The following SH3BGR variants were observed in gnomAD, a reference collection of about 807,000 sequenced individuals.
The protein encoded by SH3BGR is SH3 domain-binding glutamic acid-rich protein.
Under a neutral mutation model 24.5 loss-of-function variants are expected in SH3BGR, and 29 were observed. The observed-to-expected ratio is 1.18, with a 90% CI of 0.88 to 1.61. SH3BGR has a LOEUF of 1.61. SH3BGR is among the 40% of genes most tolerant of loss of function. SH3BGR has a pLI of 0.00. For synonymous variants in SH3BGR, 55 were observed against 65.7 expected, an observed-to-expected ratio of 0.84 and a Z score of 0.79; for missense variants, 162 against 205.8, an observed-to-expected ratio of 0.79 and a Z score of 1.30.
intron 1 of SH3BGR, among the ~76,000 whole-genome samples, chr21:39,456,444 G>A (rs554033572): frequency 2.6e-5 from 4 of 152,342 alleles, no homozygotes; most frequent in South Asian, 2.1e-4. Context: ...TAGAGAATGC[G>A]ATTAATTAAA....
rs1042417335 is a variant in SH3BGR, at chr21:39,493,199, A to G, written c.313-6624A>G. 2.0e-5 allele frequency among the ~76,000 whole-genome samples: 3 copies of G among 152,294 alleles called. No individual in the cohort carries two copies. The South Asian group carries it at 6.2e-4, about 32-fold the overall frequency. ...GGTCATGAAATCCTTGCCTAAGTCA[A>G]TGTCTACAAGGGTTTTTCTGATGTT... On this transcript the variant is annotated intron_variant, in intron 3 of 6. Transcript: ENST00000333634.
intron 2 of SH3BGR, among the ~76,000 whole-genome samples, chr21:39,474,126 C>T (rs1370772804): frequency 6.6e-6 from 1 of 152,020 alleles, no homozygotes; most frequent in Admixed American, 6.6e-5. Flanking sequence ...TGCCACCGTG[C>T]CCGGCTAATT....
chr21:39,495,090 G>A (rs8131355), intron 3 of SH3BGR, among the ~76,000 whole-genome samples: 79,333 of 151,478 alleles, frequency 0.52, 21,179 homozygotes, highest in East Asian at 0.68. Context: ...CAGTTGTTTC[G>A]TTCATTGCAA....
At chr21:39,477,238 C>A (rs918718381) in intron 3 of SH3BGR, among the ~76,000 whole-genome samples, 1 of 151,952 alleles carries the variant, frequency 6.6e-6, no homozygotes, top group African/African-American at 2.4e-5. Context: ...GTCATAATGT[C>A]ATCTAAATAT....
At chr21:39,452,910 T>A (rs1444632620) in intron 1 of SH3BGR, among the ~76,000 whole-genome samples, 1 of 152,202 alleles carries the variant, frequency 6.6e-6, no homozygotes, top group Non-Finnish European at 1.5e-5. Context: ...ACCTATATAG[T>A]GTCTGTCTGT....
chr21:39,492,794 G>A (rs141211739), intron 3 of SH3BGR, among the ~76,000 whole-genome samples: 1 of 151,932 alleles, frequency 6.6e-6, no homozygotes, highest in African/African-American at 2.4e-5. Context: ...TATATTTTTT[G>A]ATTTTTTGAT....
chr21:39,469,011 GTTTTTTT>G (rs78313529), intron 2 of SH3BGR, among the ~76,000 whole-genome samples: 20 of 134,414 alleles, frequency 1.5e-4, no homozygotes, highest in African/African-American at 5.1e-4. Flanking sequence ...AAGATGTCTA[GTTTTTTT>G]TTTTTTTTTG....
At chr21:39,466,872 C>T (rs1310687817) in intron 2 of SH3BGR, among the ~76,000 whole-genome samples, 1 of 151,938 alleles carries the variant, frequency 6.6e-6, no homozygotes, top group Non-Finnish European at 1.5e-5. Flanking sequence ...CTCCACATTT[C>T]TTACTTGTCT....
intron 2 of SH3BGR, 82 bp downstream of exon 2, chr21:39,462,642 A>G (rs2077774113): frequency 3.2e-6 from 3 of 944,348 alleles, no homozygotes; most frequent in South Asian, 2.2e-5. Flanking sequence ...TTGAGTCAGC[A>G]TTTGAAATTA....
rs865828013 is a variant in SH3BGR at position 39,464,569 on chromosome 21, G to C, written c.231+2009G>C. The stretch of plus-strand genomic sequence containing the variant: ...GTTCCAGGCTGACATGGATTTATGG[G>C]AGACACTGTTCAGTCCAGCAGAGGG... On this transcript the variant is annotated intron_variant, in intron 2 of 6. Transcript: ENST00000333634. Among the ~76,000 whole-genome samples, 11 of 152,258 alleles carry C rather than the reference G, an allele frequency of 7.2e-5. No individual in the cohort carries two copies. In the South Asian group the frequency reaches 2.1e-3, roughly 29 times the overall value.
At chr21:39,454,901 C>G (rs1051056605) in intron 1 of SH3BGR, among the ~76,000 whole-genome samples, 12 of 152,194 alleles carry the variant, frequency 7.9e-5, no homozygotes, top group African/African-American at 2.7e-4. Context: ...GTACAAAATG[C>G]TTTTCCATGC....
intron 3 of SH3BGR, chr21:39,488,644 G>C (rs1321321850): frequency 2.8e-6 from 1 of 357,098 alleles, no homozygotes; most frequent in Admixed American, 3.0e-5. Flanking sequence ...TGACAAGGAA[G>C]AGAAGGGCAC....
chr21:39,456,550 ATGTGGGGTAGCAGTTTCCG>A (rs1390146537), intron 1 of SH3BGR, among the ~76,000 whole-genome samples: 1 of 152,136 alleles, frequency 6.6e-6, no homozygotes, highest in East Asian at 1.9e-4. Context: ...AGCAGTTTCC[ATGTGGGGTAGCAGTTTCCG>A]TGTGGGGTAG....
chr21:39,510,423 T>G (rs1305735932), intron 5 of SH3BGR, among the ~76,000 whole-genome samples: 1 of 100,628 alleles, frequency 9.9e-6, no homozygotes, highest in African/African-American at 4.1e-5. Flanking sequence ...ACACACACAC[T>G]GTAGCTACAC....
intron 1 of SH3BGR, among the ~76,000 whole-genome samples, chr21:39,457,476 TTA>T (rs996955634): frequency 2.8e-5 from 4 of 145,122 alleles, no homozygotes; most frequent in Admixed American, 7.0e-5. Flanking sequence ...TATTATATAG[TTA>T]TATATATAAA....
intron 4 of SH3BGR, among the ~76,000 whole-genome samples, chr21:39,501,317 G>A (rs1451303997): frequency 1.3e-5 from 2 of 152,166 alleles, no homozygotes; most frequent in Non-Finnish European, 2.9e-5. Flanking sequence ...GCCAGGGTGG[G>A]CTTTGCTTCA....
intron 2 of SH3BGR, among the ~76,000 whole-genome samples, chr21:39,474,613 T>G (rs1221465009): frequency 6.6e-6 from 1 of 152,116 alleles, no homozygotes; most frequent in Non-Finnish European, 1.5e-5. Flanking sequence ...CTACCAAGTT[T>G]CCAATCACTC....
intron 3 of SH3BGR, chr21:39,491,523 G>T: frequency 4.0e-6 from 1 of 249,850 alleles, no homozygotes; most frequent in South Asian, 5.6e-5. Context: ...TTTTTCTTCA[G>T]TCTTCTAAGG....
intron 3 of SH3BGR, among the ~76,000 whole-genome samples, chr21:39,478,511 G>A (rs1037304121): frequency 2.0e-5 from 3 of 152,212 alleles, no homozygotes; most frequent in East Asian, 1.9e-4. Flanking sequence ...AGAGGTCTTC[G>A]TTATTTGTGC....
Sources: gnomAD v4.1 joint callset for allele counts (sites outside exome capture counted in the v4.1 genomes callset) on GRCh38, gnomAD v4.1.1 for gene constraint, MANE v1.5 for transcripts, NCBI Gene and HGNC (gene_info 2026-07-23, HGNC 2026-07-21) for gene names.